ABCA10: variants seen among roughly 807,000 people sequenced by gnomAD.
ABCA10 encodes ATP binding cassette subfamily A member 10, also known as ATP-binding cassette sub-family A member 10.
A neutral mutation model predicts 187.5 loss-of-function variants in ABCA10; 169 were observed. The observed-to-expected ratio is 0.90, with a 90% CI of 0.80 to 1.02. The LOEUF is 1.02. Ranked by LOEUF, ABCA10 falls within the 50% of genes least tolerant of loss-of-function variation. ABCA10 has a pLI of 0.00. For synonymous variants in ABCA10, 574 were observed against 601.8 expected (o/e 0.95, Z 0.68); for missense variants, 1,727 against 1,812.4 (o/e 0.95, Z 0.86).
chr17:69,150,090 T>C, intron 36 of ABCA10, 27 bp from the exon 37 acceptor site: 1 of 1,551,512 alleles, frequency 6.4e-7, no homozygotes, highest in African/African-American at 1.4e-5. Flanking sequence ...TGAGATTTAT[T>C]ACTAAGTTTC....
At chr17:69,153,627 T>C (rs934450385) in intron 32 of ABCA10, 81 bp from the exon 33 acceptor site, 2 of 1,538,858 alleles carry the variant, frequency 1.3e-6, no homozygotes, top group Admixed American at 3.8e-5. Context: ...CTCTAAGCAC[T>C]ATTATTCTAG....
intron 10 of ABCA10, among the ~76,000 whole-genome samples, chr17:69,201,005 A>T (rs1211288099): frequency 1.3e-5 from 2 of 152,128 alleles, no homozygotes; most frequent in Non-Finnish European, 2.9e-5. Flanking sequence ...GAGCCCCTGC[A>T]CCTGGCCATA....
Position 69,187,928 on chromosome 17 carries a change from T to C in ABCA10, c.2132-49A>G, listed in dbSNP as rs144187881. ...TTAATAGGCTATGTTATCTGAACTT[T>C]CTCTTTAAAAACTTTGAAAATGATG... On this transcript the variant is annotated intron_variant, in intron 18 of 38. Transcript: ENST00000690296. 3.2e-5 allele frequency: 50 copies of C among 1,553,304 alleles called. No individual in the cohort carries two copies. In the African/African-American group the frequency reaches 6.2e-4, roughly 19 times the overall value.
intron 1 of ABCA10, 51 bp from the exon 2 acceptor site, chr17:69,227,336 AT>A (rs1430405042): frequency 6.6e-6 from 1 of 152,070 alleles, no homozygotes; most frequent in East Asian, 1.9e-4. Context: ...GCCTTTGAAC[AT>A]TTTGAAAGCA....
At chr17:69,215,756 TGAATAA>T in intron 8 of ABCA10, 53 bp downstream of exon 8, 1 of 1,342,670 alleles carries the variant, frequency 7.4e-7, no homozygotes, top group Admixed American at 3.1e-5. Context: ...ACCAAATTCT[TGAATAA>T]GAACATATTT....
chr17:69,164,860 A>G (rs569202563), intron 26 of ABCA10, 104 bp downstream of exon 26: 11 of 1,369,616 alleles, frequency 8.0e-6, no homozygotes, highest in South Asian at 6.4e-5. Flanking sequence ...TCAGCATTGA[A>G]TAACTTCAAA....
At position 69,152,230 on chromosome 17, in the gene ABCA10, C is replaced by T. The variant is rs763146767; in HGVS notation, c.4257-47G>A. The stretch of plus-strand genomic sequence containing the variant: ...AAAAATACTTGTCTCTTAATTTCTT[C>T]CTCGGTTCTCACTGTAGAGGAAGGT... On this transcript the variant is annotated intron_variant, in intron 35 of 38. Transcript: ENST00000690296. The T allele has an allele frequency of 3.9e-5, 62 of 1,585,042 alleles. 1 individual carries two copies. Among genetic ancestry groups the T allele is most frequent in the South Asian group, 1.2e-5 (1 of 84,446 alleles).
In ABCA10 at chr17:69,174,227, A is replaced by T. The variant is rs1451885383; in HGVS notation, c.3162+54T>A. The stretch of plus-strand genomic sequence containing the variant: ...AGTATTTATACTTAAATTTGCATTT[A>T]AAAAAACTTCAAGGAAATTTAATAT... On this transcript the variant is annotated intron_variant, in intron 25 of 38. Transcript: ENST00000690296. 8.2e-6 allele frequency: 11 copies of T among 1,339,826 alleles called. No homozygotes were observed. In the East Asian group the frequency reaches 9.7e-5, roughly 12 times the overall value. The allele number at this position is 1,339,826 out of a possible 1,614,324, so 83.0% of individuals were successfully genotyped here.
At chr17:69,203,241 C>T (rs1598113165) in intron 9 of ABCA10, among the ~76,000 whole-genome samples, 1 of 151,028 alleles carries the variant, frequency 6.6e-6, no homozygotes, top group East Asian at 1.9e-4. Flanking sequence ...TTGAACTAGC[C>T]AAAAAGAGAA....
In ABCA10 at chr17:69,193,945, T is replaced by C; in HGVS notation, c.1390A>G (p.Met464Val). The C allele has an allele frequency of 7.4e-6, 12 of 1,610,844 alleles. No individual in the cohort carries two copies. Among genetic ancestry groups the C allele is most frequent in the Non-Finnish European group, 1.0e-5 (12 of 1,178,272 alleles). ...CCAATATTCTTTCTAATTTCTTCCA[T>C]GTCAGTTATTTCAGAGAGTTGAGTA... The part of the protein sequence containing the change: ...YNTQLSEITD[M>V]EEIRKNIGFC... Residue 464 changes from methionine (M) to valine (V), a missense_variant, in exon 13 of 39, where the codon ATG becomes GTG. By Grantham distance (21) the Met-to-Val change is conservative. Transcript: ENST00000690296.
intron 1 of ABCA10, chr17:69,244,480 T>C (rs755101014): frequency 1.3e-5 from 2 of 151,780 alleles, no homozygotes; most frequent in Non-Finnish European, 2.9e-5. Context: ...AAGAGCAGCA[T>C]TGAGAATTGC....
intron 27 of ABCA10, among the ~76,000 whole-genome samples, chr17:69,163,120 A>G (rs1263860494): frequency 6.6e-6 from 1 of 152,122 alleles, no homozygotes; most frequent in African/African-American, 2.4e-5. Flanking sequence ...TACAGGCGTG[A>G]GTCACTGCGC....
intron 6 of ABCA10, among the ~76,000 whole-genome samples, chr17:69,216,972 C>A (rs1354437507): frequency 2.0e-5 from 3 of 152,116 alleles, no homozygotes; most frequent in Non-Finnish European, 4.4e-5. Context: ...TGATGCCAGG[C>A]ACGGTGGCTC....
intron 11 of ABCA10, among the ~76,000 whole-genome samples, chr17:69,195,271 A>G (rs2074489529): frequency 6.6e-6 from 1 of 152,232 alleles, no homozygotes; most frequent in African/African-American, 2.4e-5. Flanking sequence ...CTATGAAAGT[A>G]AAACCAGTTT....
chr17:69,160,910 A>G (rs1221233803), intron 27 of ABCA10, among the ~76,000 whole-genome samples: 1 of 152,214 alleles, frequency 6.6e-6, no homozygotes, highest in East Asian at 1.9e-4. Flanking sequence ...ACTTCTGGGT[A>G]TTTATCCAGA....
At chr17:69,196,357 C>T (rs891302937) in intron 11 of ABCA10, 1 of 176,870 alleles carries the variant, frequency 5.7e-6, no homozygotes, top group South Asian at 1.1e-4. Flanking sequence ...CAGAGACACT[C>T]CTCAGTTCCC....
At chr17:69,229,979 A>T (rs998265137), upstream of ABCA10, among the ~76,000 whole-genome samples, 4 of 152,048 alleles carry the variant, frequency 2.6e-5, no homozygotes, top group Non-Finnish European at 5.9e-5. Flanking sequence ...TCTAAAATTC[A>T]TGTTAAAATT....
chr17:69,177,576 A>G (rs140943319), intron 22 of ABCA10, among the ~76,000 whole-genome samples: 1 of 152,270 alleles, frequency 6.6e-6, no homozygotes, highest in Non-Finnish European at 1.5e-5. Context: ...TGACTTGTGA[A>G]TGTCCAATTA....
chr17:69,194,507 TA>T lies in ABCA10; in HGVS notation c.1235-13del, dbSNP rs747524623. On this transcript the variant is annotated splice_polypyrimidine_tract_variant and intron_variant, in intron 11 of 38. Transcript: ENST00000690296. ...GTCAAAAAATATGCCTGTTTTAGAA[TA>T]AAAAGTGGAAATTAGATTTTGGATT... The T allele has an allele frequency of 5.7e-6, 9 of 1,579,048 alleles. No individual in the cohort carries two copies. Among genetic ancestry groups the T allele is most frequent in the Non-Finnish European group, 6.9e-6 (8 of 1,158,380 alleles).
Sources: gnomAD v4.1 joint callset for allele counts (sites outside exome capture counted in the v4.1 genomes callset) on GRCh38, gnomAD v4.1.1 for gene constraint, MANE v1.5 for transcripts, NCBI Gene and HGNC (gene_info 2026-07-23, HGNC 2026-07-21) for gene names.